The following ROBO1 variants were observed in gnomAD, a reference collection of about 807,000 sequenced individuals.
The protein encoded by ROBO1 is roundabout guidance receptor 1.
A neutral mutation model predicts 195.9 loss-of-function variants in ROBO1; 149 were observed. The observed-to-expected ratio is 0.76, with a 90% CI of 0.67 to 0.87. ROBO1 has a LOEUF of 0.87. Ranked by LOEUF, ROBO1 falls within the 40% of genes least tolerant of loss-of-function variation. The pLI, the probability that ROBO1 is intolerant of heterozygous loss-of-function variation, is 0.00. For missense variants in ROBO1, 1,933 were observed against 2,068.3 expected, an observed-to-expected ratio of 0.93 and a Z score of 1.27; for synonymous variants, 816 against 733.2, an observed-to-expected ratio of 1.11 and a Z score of -1.82.
chr3:79,138,546 CT>C (rs765083619), intron 2 of ROBO1, among the ~76,000 whole-genome samples: 40 of 151,928 alleles, frequency 2.6e-4, no homozygotes, highest in Non-Finnish European at 4.9e-4. Flanking sequence ...TAACATATTA[CT>C]TCCTTTTTCT....
chr3:78,873,691 C>T (rs1038420822), intron 4 of ROBO1, among the ~76,000 whole-genome samples: 2 of 151,918 alleles, frequency 1.3e-5, no homozygotes. Flanking sequence ...TATTCCTGAG[C>T]GAGGTTAGGA....
chr3:79,489,244 A>G (rs1450352504), intron 2 of ROBO1, among the ~76,000 whole-genome samples: 1 of 152,150 alleles, frequency 6.6e-6, no homozygotes, highest in African/African-American at 2.4e-5. Context: ...ATTTCTTAAC[A>G]TGAATGTGAA....
intron 2 of ROBO1, among the ~76,000 whole-genome samples, chr3:79,491,024 T>C (rs367776090): frequency 2.5e-4 from 38 of 152,222 alleles, no homozygotes; most frequent in African/African-American, 9.2e-4. Context: ...GGTAAATTTA[T>C]TTATTTCCTA....
At chr3:79,002,740 T>C (rs1576546000) in intron 3 of ROBO1, among the ~76,000 whole-genome samples, 1 of 152,256 alleles carries the variant, frequency 6.6e-6, no homozygotes, top group East Asian at 1.9e-4. Flanking sequence ...CTTTGCTTTC[T>C]TGAGGGTGTA....
intron 4 of ROBO1, among the ~76,000 whole-genome samples, chr3:78,763,532 T>C (rs1278500321): frequency 6.6e-6 from 1 of 152,212 alleles, no homozygotes; most frequent in African/African-American, 2.4e-5. Context: ...ATGTGTTCAT[T>C]ATGAAGTTTG....
chr3:79,518,622 T>C (rs191488565), intron 2 of ROBO1, among the ~76,000 whole-genome samples: 4 of 152,168 alleles, frequency 2.6e-5, no homozygotes, highest in Middle Eastern at 3.4e-3. Flanking sequence ...TAAACGAAAA[T>C]GTAAAGCTTT....
intron 3 of ROBO1, among the ~76,000 whole-genome samples, chr3:79,051,093 C>A (rs972281872): frequency 7.2e-5 from 11 of 151,944 alleles, no homozygotes; most frequent in Non-Finnish European, 2.9e-5. Context: ...ACACAAAAAA[C>A]CCTTCAAAAA....
intron 2 of ROBO1, among the ~76,000 whole-genome samples, chr3:79,569,021 G>GA (rs947428351): frequency 2.6e-5 from 4 of 151,968 alleles, no homozygotes; most frequent in South Asian, 4.2e-4. Flanking sequence ...AGCTGTTTTA[G>GA]AAAAAAAATG....
chr3:79,652,430 C>CATAAT (rs1946038796), intron 1 of ROBO1, among the ~76,000 whole-genome samples: 1 of 151,824 alleles, frequency 6.6e-6, no homozygotes, highest in South Asian at 2.1e-4. Context: ...ATTATGGCAC[C>CATAAT]TAGAAGATTA....
rs766990122 is a variant in ROBO1 at position 78,633,929 on chromosome 3, A to G, written c.3481+6T>C. Reference sequence around the variant, plus strand: ...AAGGAGAAGTTCTTTGGTTCATCTTACTTACCAGATGTACTACTGCCCCGG... The same window carrying G: ...AAGGAGAAGTTCTTTGGTTCATCTTGCTTACCAGATGTACTACTGCCCCGG... On this transcript the variant is annotated splice_donor_region_variant and intron_variant, in intron 24 of 30. Coordinates refer to ENST00000464233, the MANE Select transcript of ROBO1 (RefSeq NM_002941.4). 2 of 1,578,914 alleles carry G rather than the reference A, an allele frequency of 1.3e-6. No individual in the cohort carries two copies. The highest frequency in any genetic ancestry group is 2.2e-5 in the East Asian group (1 of 44,628).
intron 1 of ROBO1, among the ~76,000 whole-genome samples, chr3:79,680,252 C>T (rs536022037): frequency 9.2e-5 from 14 of 151,986 alleles, no homozygotes; most frequent in African/African-American, 2.9e-4. Flanking sequence ...ATAAATTCAC[C>T]CAACTCTAAT....
At chr3:78,907,083 T>C (rs909673052) in intron 4 of ROBO1, among the ~76,000 whole-genome samples, 4 of 152,096 alleles carry the variant, frequency 2.6e-5, no homozygotes, top group African/African-American at 9.7e-5. Context: ...TCTCCTTTCA[T>C]ACTACACTAA....
chr3:78,991,362 A>G (rs987759283), intron 3 of ROBO1, among the ~76,000 whole-genome samples: 3 of 152,200 alleles, frequency 2.0e-5, no homozygotes, highest in Non-Finnish European at 2.9e-5. Flanking sequence ...TAGCTTTGGA[A>G]ACCAAGATCC....
chr3:78,668,585 A>T lies in ROBO1; in HGVS notation c.1549-20T>A. ...ACCCAGCTGAGAAGGCAGACAAAAA[A>T]TAAATATTTGGAAAAATCAAGAACT... is the stretch of plus-strand genomic sequence containing the variant. On this transcript the variant is annotated intron_variant, in intron 11 of 30. Coordinates refer to ENST00000464233, the MANE Select transcript of ROBO1 (RefSeq NM_002941.4). 1 of 1,611,726 alleles carries T rather than the reference A, an allele frequency of 6.2e-7. No homozygotes were observed. Among genetic ancestry groups the T allele is most frequent in the Non-Finnish European group, 8.5e-7 (1 of 1,178,314 alleles).
chr3:78,800,307 GA>G (rs2084326437), intron 4 of ROBO1, among the ~76,000 whole-genome samples: 3 of 152,078 alleles, frequency 2.0e-5, no homozygotes, highest in Admixed American at 2.0e-4. Flanking sequence ...TGGTAATCAA[GA>G]AAATAGTGAT....
At chr3:79,381,569 GCTGCCAC>G (rs2036577523) in intron 2 of ROBO1, among the ~76,000 whole-genome samples, 2 of 151,834 alleles carry the variant, frequency 1.3e-5, no homozygotes, top group South Asian at 4.2e-4. Flanking sequence ...CATATATTGA[GCTGCCAC>G]CTCCTATATG....
intron 2 of ROBO1, among the ~76,000 whole-genome samples, chr3:79,564,664 A>C (rs1943036092): frequency 6.6e-6 from 1 of 152,058 alleles, no homozygotes; most frequent in East Asian, 1.9e-4. Flanking sequence ...TTTGCAAGAA[A>C]GTTTTCTAAC....
chr3:79,546,236 A>C (rs1208674093), intron 2 of ROBO1, among the ~76,000 whole-genome samples: 4 of 152,078 alleles, frequency 2.6e-5, no homozygotes, highest in Non-Finnish European at 5.9e-5. Flanking sequence ...CATATAATAC[A>C]TATAATATAC....
At chr3:79,329,749 T>C (rs1270721394) in intron 2 of ROBO1, among the ~76,000 whole-genome samples, 3 of 152,218 alleles carry the variant, frequency 2.0e-5, no homozygotes, top group Admixed American at 6.5e-5. Context: ...TGAGATAGAA[T>C]AATACAAATT....
Sources: gnomAD v4.1 joint callset for allele counts (sites outside exome capture counted in the v4.1 genomes callset) on GRCh38, gnomAD v4.1.1 for gene constraint, MANE v1.5 for transcripts, NCBI Gene and HGNC (gene_info 2026-07-23, HGNC 2026-07-21) for gene names.